Variants in ST8SIA6 observed in about 807,000 individuals in gnomAD.
The protein encoded by ST8SIA6 is ST8 alpha-N-acetyl-neuraminide alpha-2,8-sialyltransferase 6.
In ST8SIA6, 39 loss-of-function variants were observed where a neutral mutation model predicts 33.6. The observed-to-expected ratio is 1.16, with a 90% CI of 0.90 to 1.52. The LOEUF is 1.52. Among genes scored for constraint, ST8SIA6 ranks in the 40% most tolerant of loss-of-function variants. ST8SIA6 has a pLI of 0.00. For synonymous variants in ST8SIA6, 172 were observed against 167.2 expected (o/e 1.03, Z -0.22); for missense variants, 441 against 443.8 (o/e 0.99, Z 0.06).
At chr10:17,447,005 G>A (rs1231211449) in intron 2 of ST8SIA6, among the ~76,000 whole-genome samples, 10 of 140,558 alleles carry the variant, frequency 7.1e-5, no homozygotes, top group Admixed American at 2.2e-4. Flanking sequence ...CCAAGATAGC[G>A]CCATTACCGA....
intron 2 of ST8SIA6, among the ~76,000 whole-genome samples, chr10:17,404,361 A>G (rs772391705): frequency 9.2e-5 from 14 of 152,278 alleles, no homozygotes; most frequent in East Asian, 5.8e-4. Context: ...TTGCCCTTCA[A>G]TGGAGAACCA....
At chr10:17,390,498 A>G in intron 3 of ST8SIA6, 33 bp downstream of exon 3, 1 of 1,538,010 alleles carries the variant, frequency 6.5e-7, no homozygotes, top group Non-Finnish European at 9.0e-7. Context: ...CCCTTGTTGT[A>G]AAAGGAAATT....
At chr10:17,379,145 A>C (rs944635270) in intron 3 of ST8SIA6, among the ~76,000 whole-genome samples, 1 of 151,408 alleles carries the variant, frequency 6.6e-6, no homozygotes, top group African/African-American at 2.4e-5. Context: ...AACAAAAACA[A>C]AAAAAACCGA....
intron 2 of ST8SIA6, among the ~76,000 whole-genome samples, chr10:17,393,440 A>G (rs547128308): frequency 1.1e-4 from 17 of 152,372 alleles, no homozygotes; most frequent in African/African-American, 3.4e-4. Context: ...AGCTGCTTCT[A>G]TAATTGATGT....
At chr10:17,453,176 C>A (rs1284959750) in intron 2 of ST8SIA6, among the ~76,000 whole-genome samples, 1 of 147,106 alleles carries the variant, frequency 6.8e-6, no homozygotes, top group Non-Finnish European at 1.5e-5. Context: ...CCCTTTAAAG[C>A]ATAGAAAAGA....
At chr10:17,389,899 G>A (rs1850523034) in intron 3 of ST8SIA6, among the ~76,000 whole-genome samples, 1 of 152,070 alleles carries the variant, frequency 6.6e-6, no homozygotes, top group Admixed American at 6.6e-5. Context: ...ATAGCTCACT[G>A]CAGCCTTGAA....
intron 2 of ST8SIA6, among the ~76,000 whole-genome samples, chr10:17,423,753 C>T (rs946737539): frequency 6.6e-6 from 1 of 152,196 alleles, no homozygotes; most frequent in Non-Finnish European, 1.5e-5. Context: ...CCAGTGCAGT[C>T]AGGCATCCCT....
intron 4 of ST8SIA6, among the ~76,000 whole-genome samples, chr10:17,348,413 T>C (rs1564414168): frequency 6.6e-6 from 1 of 152,312 alleles, no homozygotes; most frequent in East Asian, 1.9e-4. Context: ...CTGTCTTTTA[T>C]AAAAGGTCTC....
intron 4 of ST8SIA6, among the ~76,000 whole-genome samples, chr10:17,349,223 G>C (rs1419426918): frequency 6.6e-6 from 1 of 152,188 alleles, no homozygotes; most frequent in Non-Finnish European, 1.5e-5. Context: ...TACCAAGAAC[G>C]TGGTATAATC....
intron 4 of ST8SIA6, among the ~76,000 whole-genome samples, chr10:17,337,593 C>CT (rs1848547284): frequency 1.3e-5 from 2 of 152,214 alleles, no homozygotes; most frequent in Admixed American, 6.5e-5. Context: ...CTCTTTGTCA[C>CT]TTTCCAGCTC....
intron 4 of ST8SIA6, among the ~76,000 whole-genome samples, chr10:17,334,414 C>G (rs1190585256): frequency 6.6e-6 from 1 of 151,608 alleles, no homozygotes; most frequent in East Asian, 2.0e-4. Context: ...TGGCAGGCAC[C>G]TGTAGTCCCA....
intron 2 of ST8SIA6, among the ~76,000 whole-genome samples, chr10:17,397,600 T>C (rs1850860092): frequency 1.3e-5 from 2 of 152,224 alleles, no homozygotes; most frequent in Admixed American, 1.3e-4. Context: ...GCTCTTGAGA[T>C]GTGCTCCGTA....
intron 5 of ST8SIA6, among the ~76,000 whole-genome samples, chr10:17,327,559 C>G (rs1236301230): frequency 6.6e-6 from 1 of 151,948 alleles, no homozygotes; most frequent in African/African-American, 2.4e-5. Flanking sequence ...GCACTCCAGC[C>G]TGGGCAACAG....
chr10:17,431,718 C>T (rs1852107487), intron 2 of ST8SIA6, among the ~76,000 whole-genome samples: 1 of 149,142 alleles, frequency 6.7e-6, no homozygotes, highest in African/African-American at 2.5e-5. Context: ...TTTCTCTGTG[C>T]CTCATGGTCT....
At chr10:17,363,963 T>A (rs757877353) in intron 3 of ST8SIA6, among the ~76,000 whole-genome samples, 5 of 152,216 alleles carry the variant, frequency 3.3e-5, no homozygotes, top group Non-Finnish European at 7.3e-5. Context: ...CAAATAAGAC[T>A]GATCCAGAGA....
chr10:17,339,008 A>T (rs1471202049), intron 4 of ST8SIA6, among the ~76,000 whole-genome samples: 1 of 152,206 alleles, frequency 6.6e-6, no homozygotes, highest in African/African-American at 2.4e-5. Context: ...ATCTATAAGG[A>T]TGAAATCGAA....
In ST8SIA6 at chr10:17,453,634, T is replaced by C; in HGVS notation, c.125A>G (p.Glu42Gly). Residue 42 changes from glutamate (E) to glycine (G), a missense_variant, in exon 2 of 8, where the codon GAG becomes GGG. Transcript: ENST00000377602. ...RARILVEESR[E>G]ATHGTPAALR... ...CGCTGCGGGGGTGCCGTGGGTGGCCTCCCTGCTTTCCTCCACCAGAATCCT... is the reference window on the plus strand; with the variant it reads ...CGCTGCGGGGGTGCCGTGGGTGGCCCCCCTGCTTTCCTCCACCAGAATCCT... 1 of 1,324,124 alleles carries C rather than the reference T, an allele frequency of 7.6e-7. No individual in the cohort carries two copies. Among genetic ancestry groups the C allele is most frequent in the Non-Finnish European group, 9.7e-7 (1 of 1,029,602 alleles). 82.0% of individuals were successfully genotyped at this position (1,324,124 alleles called of 1,614,324 possible).
intron 2 of ST8SIA6, among the ~76,000 whole-genome samples, chr10:17,450,995 C>T (rs1292653228): frequency 6.6e-6 from 1 of 152,176 alleles, no homozygotes; most frequent in Non-Finnish European, 1.5e-5. Flanking sequence ...GCCTGGGTTT[C>T]ACTCCAGGCT....
rs527842740 is a variant in ST8SIA6, at chr10:17,420,028, TAAG to T, written c.201-29411_201-29409del. ...AATAGACACACGTTTTCCAAATGGA[TAAG>T]GAGGAGGTTTTAAAATGATAACCAT... is the stretch of plus-strand genomic sequence containing the variant. On this transcript the variant is annotated intron_variant, in intron 2 of 7. Coordinates refer to ENST00000377602, the MANE Select transcript of ST8SIA6 (RefSeq NM_001004470.3). 3.1e-3 allele frequency among the ~76,000 whole-genome samples: 473 copies of T among 152,276 alleles called. 9 individuals are homozygous for T. The highest frequency in any genetic ancestry group is 0.024 in the Admixed American group (374 of 15,302).
Sources: gnomAD v4.1 joint callset for allele counts (sites outside exome capture counted in the v4.1 genomes callset) on GRCh38, gnomAD v4.1.1 for gene constraint, MANE v1.5 for transcripts, NCBI Gene and HGNC (gene_info 2026-07-23, HGNC 2026-07-21) for gene names.